The following EXOC2 variants were observed in gnomAD, a reference collection of about 807,000 sequenced individuals.
The protein encoded by EXOC2 is SEC5-like 1.
EXOC2 carries 70 observed loss-of-function variants against 131.8 expected under a neutral mutation model. The observed-to-expected ratio is 0.53, with a 90% CI of 0.44 to 0.65. The LOEUF is 0.65. Ranked by LOEUF, EXOC2 falls within the 30% of genes least tolerant of loss-of-function variation. The pLI, the probability that EXOC2 is intolerant of heterozygous loss-of-function variation, is 0.00. For synonymous variants in EXOC2, 411 were observed against 398.4 expected, an observed-to-expected ratio of 1.03 and a Z score of -0.38; for missense variants, 923 against 1,108.6, an observed-to-expected ratio of 0.83 and a Z score of 2.38.
rs1482210318 is a variant in EXOC2, at chr6:485,244, A to C, written c.*1427T>G. 1 of 152,214 alleles carries C rather than the reference A, an allele frequency of 6.6e-6. No individual in the cohort carries two copies. The highest frequency in any genetic ancestry group is 1.5e-5 in the Non-Finnish European group (1 of 68,038). The allele number at this position is 152,214 out of a possible 1,614,324, so 9.4% of individuals were successfully genotyped here. On this transcript the variant is annotated 3_prime_UTR_variant, in exon 28 of 28. Coordinates refer to ENST00000230449, the MANE Select transcript of EXOC2 (RefSeq NM_018303.6). ...TGATTGCAGTTTTTAAACTTAGCTCACAGTTGAGTTAGATACAACAGTTAA... is the reference window on the plus strand; with the variant it reads ...TGATTGCAGTTTTTAAACTTAGCTCCCAGTTGAGTTAGATACAACAGTTAA...
intron 10 of EXOC2, among the ~76,000 whole-genome samples, chr6:592,837 C>T (rs191614759): frequency 1.4e-4 from 22 of 152,104 alleles, no homozygotes; most frequent in African/African-American, 4.6e-4. Flanking sequence ...ACCAGCCTGG[C>T]CAACGTGCTG....
At chr6:535,622 A>G (rs1011160298) in intron 22 of EXOC2, among the ~76,000 whole-genome samples, 4 of 152,204 alleles carry the variant, frequency 2.6e-5, no homozygotes, top group African/African-American at 9.7e-5. Flanking sequence ...AACTGGCACA[A>G]GTAGTCCTAT....
Position 598,123 on chromosome 6 carries a change from T to C in EXOC2, c.971A>G (p.Tyr324Cys). 1 of 1,597,268 alleles carries C rather than the reference T, an allele frequency of 6.3e-7. No homozygotes were observed. Among genetic ancestry groups the C allele is most frequent in the Non-Finnish European group, 8.5e-7 (1 of 1,169,988 alleles). Residue 324 changes from tyrosine (Y) to cysteine (C), a missense_variant and splice_region_variant, in exon 10 of 28, where the codon TAT becomes TGT. Physicochemically the swap from Tyr to Cys is radical, Grantham distance 194. Transcript: ENST00000230449. ...AATCCTTGTTTCTACTTCAGCATAA[T>C]CTATTTAAAAAGAAAAGAATACACA... Reference protein sequence around the residue: ...GKTEVQVFKKYYAEVETRIEA... With the variant: ...GKTEVQVFKKCYAEVETRIEA...
In EXOC2 at chr6:599,683, C is replaced by T. The variant is rs374616809; in HGVS notation, c.743-458G>A. 2.0e-5 allele frequency among the ~76,000 whole-genome samples: 3 copies of T among 152,278 alleles called. No homozygotes were observed. In the East Asian group the frequency reaches 5.8e-4, roughly 29 times the overall value. The stretch of plus-strand genomic sequence containing the variant: ...AAGGAAATCATTTTCAGGAAAGTTG[C>T]TCAATAGAAATATTTAAAACAAATT... On this transcript the variant is annotated intron_variant, in intron 7 of 27. Transcript: ENST00000230449.
Position 592,597 on chromosome 6 carries a change from C to G in EXOC2, c.1074-10G>C. 2 of 1,609,510 alleles carry G rather than the reference C, an allele frequency of 1.2e-6. No homozygotes were observed. The highest frequency in any genetic ancestry group is 1.7e-6 in the Non-Finnish European group (2 of 1,176,294). On this transcript the variant is annotated splice_polypyrimidine_tract_variant and intron_variant, in intron 10 of 27. Transcript: ENST00000230449. ...AAGGTCAGACAGGTACCTGAAAAAGCAAGTCCAAGGTTGAGGCCAAAGGGA... is the reference window on the plus strand; with the variant it reads ...AAGGTCAGACAGGTACCTGAAAAAGGAAGTCCAAGGTTGAGGCCAAAGGGA...
At chr6:530,721 C>T (rs1193539778) in intron 23 of EXOC2, among the ~76,000 whole-genome samples, 1 of 152,242 alleles carries the variant, frequency 6.6e-6, no homozygotes, top group Admixed American at 6.5e-5. Flanking sequence ...ACAGGGAGTA[C>T]TGCTGGCCCT....
In EXOC2 at chr6:637,870, A is replaced by T; in HGVS notation, c.-43-9T>A. The T allele has an allele frequency of 6.4e-7, 1 of 1,552,596 alleles. No individual in the cohort carries two copies. Among genetic ancestry groups the T allele is most frequent in the Non-Finnish European group, 8.8e-7 (1 of 1,132,604 alleles). ...CCTGTTAGAGAAGTAATCTGTTAAA[A>T]GAGAAAGAAAAAAGGATTAGTACCA... On this transcript the variant is annotated splice_polypyrimidine_tract_variant and intron_variant, in intron 1 of 27. Transcript: ENST00000230449.
chr6:563,862 C>T (rs1757825681), intron 16 of EXOC2, among the ~76,000 whole-genome samples, 171 bp downstream of exon 16: 1 of 152,058 alleles, frequency 6.6e-6, no homozygotes, highest in Non-Finnish European at 1.5e-5. Flanking sequence ...CTCAACAATA[C>T]ATCACAAAAA....
intron 1 of EXOC2, among the ~76,000 whole-genome samples, chr6:677,925 TATA>T (rs1386659647): frequency 8.3e-6 from 1 of 121,108 alleles, no homozygotes; most frequent in Non-Finnish European, 1.7e-5. Context: ...GGGCTGTGCT[TATA>T]ATCTCTCACA....
At chr6:686,940 A>G (rs896483918) in intron 1 of EXOC2, among the ~76,000 whole-genome samples, 1 of 152,202 alleles carries the variant, frequency 6.6e-6, no homozygotes, top group African/African-American at 2.4e-5. Flanking sequence ...ACTACTTAAT[A>G]GGAAAACAAA....
chr6:500,400 T>TG (rs1763975959), intron 23 of EXOC2, among the ~76,000 whole-genome samples: 1 of 152,210 alleles, frequency 6.6e-6, no homozygotes, highest in Non-Finnish European at 1.5e-5. Context: ...TTTAAGAATG[T>TG]GGGGTCTGAG....
chr6:534,210 C>CA lies in EXOC2; in HGVS notation c.2239-1601dup, dbSNP rs535888686. 4.0e-3 allele frequency among the ~76,000 whole-genome samples: 609 copies of CA among 151,944 alleles called. 8 individuals carry two copies. Among genetic ancestry groups the CA allele is most frequent in the African/African-American group, 0.013 (545 of 41,420 alleles). On this transcript the variant is annotated intron_variant, in intron 22 of 27. Coordinates refer to ENST00000230449, the MANE Select transcript of EXOC2 (RefSeq NM_018303.6). ...AGATAAACCCAGGAGCTCTAACATGCAAAAAATAGAAATTCAAGTAAAGAA... is the reference window on the plus strand; with the variant it reads ...AGATAAACCCAGGAGCTCTAACATGCAAAAAAATAGAAATTCAAGTAAAGAA...
intron 1 of EXOC2, among the ~76,000 whole-genome samples, chr6:660,317 C>T (rs972859644): frequency 1.3e-5 from 2 of 152,178 alleles, no homozygotes; most frequent in African/African-American, 4.8e-5. Flanking sequence ...AAAGCACCAC[C>T]TCCTGGCAAA....
At chr6:667,844 C>T (rs371628716) in intron 1 of EXOC2, among the ~76,000 whole-genome samples, 9 of 150,386 alleles carry the variant, frequency 6.0e-5, no homozygotes, top group Admixed American at 1.3e-4. Flanking sequence ...AAGCCAGTTC[C>T]CCTAATAAAT....
chr6:491,279 C>T (rs1484283693), intron 25 of EXOC2, 93 bp from the exon 26 acceptor site: 51 of 1,301,638 alleles, frequency 3.9e-5, no homozygotes, highest in Non-Finnish European at 5.2e-5. Context: ...GCCTGCTCAT[C>T]GTAGGATGGG....
At chr6:528,705 G>A (rs1241089643) in intron 23 of EXOC2, among the ~76,000 whole-genome samples, 1 of 151,996 alleles carries the variant, frequency 6.6e-6, no homozygotes, top group East Asian at 1.9e-4. Context: ...ACCACTTAAT[G>A]TCACACAGCC....
intron 13 of EXOC2, among the ~76,000 whole-genome samples, chr6:566,667 GT>G (rs2127588673): frequency 6.6e-6 from 1 of 151,456 alleles, no homozygotes; most frequent in Admixed American, 6.6e-5. Flanking sequence ...ACATGTTGCA[GT>G]TTGTTAGGTC....
intron 10 of EXOC2, among the ~76,000 whole-genome samples, chr6:594,664 C>T (rs1011790670): frequency 6.6e-6 from 1 of 152,142 alleles, no homozygotes; most frequent in African/African-American, 2.4e-5. Flanking sequence ...CCTTGCAAAA[C>T]CTAATAACAA....
chr6:643,712 T>C (rs1333570418), intron 1 of EXOC2, among the ~76,000 whole-genome samples: 4 of 151,196 alleles, frequency 2.6e-5, no homozygotes, highest in African/African-American at 9.7e-5. Flanking sequence ...AAATAAACAG[T>C]GGAAACCAAT....
Sources: gnomAD v4.1 joint callset for allele counts (sites outside exome capture counted in the v4.1 genomes callset) on GRCh38, gnomAD v4.1.1 for gene constraint, MANE v1.5 for transcripts, NCBI Gene and HGNC (gene_info 2026-07-23, HGNC 2026-07-21) for gene names.